The following GNG2 variants were observed in gnomAD, a reference collection of about 807,000 sequenced individuals.
GNG2 encodes the protein G protein subunit gamma 2, also known as guanine nucleotide-binding protein G(I)/G(S)/G(O) subunit gamma-2.
GNG2 carries 5 observed loss-of-function variants against 5.5 expected under a neutral mutation model. The ratio of observed to expected loss-of-function variants is 0.91; its 90% confidence interval spans 0.48 to 1.92. The LOEUF is 1.92. Ranked by LOEUF, GNG2 falls within the 30% of genes most tolerant of loss-of-function variation. The pLI, the probability that GNG2 is intolerant of heterozygous loss-of-function variation, is 0.01. For missense variants in GNG2, 55 were observed against 88.4 expected (o/e 0.62, Z 1.52); for synonymous variants, 28 against 32.0 (o/e 0.88, Z 0.42).
chr14:51,927,221 G>A (rs781330787), intron 2 of GNG2, among the ~76,000 whole-genome samples: 1 of 6,620 alleles, frequency 1.5e-4, no homozygotes, highest in Non-Finnish European at 3.8e-4. Context: ...CTTCAATTAA[G>A]ACTCATTGGG....
chr14:51,855,406 T>C (rs1329688390), intron 2 of GNG2, among the ~76,000 whole-genome samples: 2 of 152,214 alleles, frequency 1.3e-5, no homozygotes, highest in Non-Finnish European at 2.9e-5. Flanking sequence ...TGATTCAGTC[T>C]TCTTGGCTCC....
chr14:51,920,553 T>C (rs1886959665), intron 2 of GNG2, among the ~76,000 whole-genome samples: 1 of 152,152 alleles, frequency 6.6e-6, no homozygotes, highest in African/African-American at 2.4e-5. Context: ...CAAATTATGA[T>C]ACAGAAGTAC....
At position 51,905,737 on chromosome 14, in the gene GNG2, C is replaced by T. The variant is rs143663680; in HGVS notation, c.-30+28080C>T. Among the ~76,000 whole-genome samples, 654 of 152,218 alleles carry T rather than the reference C, an allele frequency of 4.3e-3. 4 individuals are homozygous for T. Among genetic ancestry groups the T allele is most frequent in the African/African-American group, 0.015 (613 of 41,540 alleles). On this transcript the variant is annotated intron_variant, in intron 2 of 3. Transcript: ENST00000556766. ...AATCCCCACGTGTTGTGGGAGGGAC[C>T]AGGTGGAAATAATTGAATCATCGGG...
At chr14:51,896,418 T>C (rs1265242589) in intron 2 of GNG2, among the ~76,000 whole-genome samples, 2 of 152,216 alleles carry the variant, frequency 1.3e-5, no homozygotes, top group Non-Finnish European at 2.9e-5. Context: ...AGAGTCAGAA[T>C]TGAATAGGTG....
At chr14:51,833,102 A>T (rs181229821) in intron 2 of GNG2, among the ~76,000 whole-genome samples, 1 of 152,248 alleles carries the variant, frequency 6.6e-6, no homozygotes, top group Admixed American at 6.5e-5. Context: ...AGCTTATACA[A>T]TTTGTCAGGG....
At chr14:51,948,116 CA>C (rs1888746438) in intron 2 of GNG2, among the ~76,000 whole-genome samples, 1 of 152,224 alleles carries the variant, frequency 6.6e-6, no homozygotes, top group Admixed American at 6.5e-5. Flanking sequence ...CTCTTCCCTT[CA>C]AGAACATTTC....
chr14:51,887,112 G>T (rs529777317), intron 2 of GNG2, among the ~76,000 whole-genome samples: 1 of 152,200 alleles, frequency 6.6e-6, no homozygotes, highest in South Asian at 2.1e-4. Flanking sequence ...GAGTTCAGTT[G>T]TTTGTGTGGT....
chr14:51,961,188 A>G (rs1889592688), intron 3 of GNG2, among the ~76,000 whole-genome samples: 1 of 152,192 alleles, frequency 6.6e-6, no homozygotes. Context: ...TATTCTGCCC[A>G]GTTTTTAATT....
chr14:51,833,260 A>G (rs1385998874), intron 2 of GNG2, among the ~76,000 whole-genome samples: 1 of 152,160 alleles, frequency 6.6e-6, no homozygotes, highest in East Asian at 1.9e-4. Flanking sequence ...CTTCATAGCA[A>G]TTTTCACACC....
chr14:51,924,158 C>T lies in GNG2; in HGVS notation c.-29-26492C>T, dbSNP rs1887180162. 2.6e-5 allele frequency among the ~76,000 whole-genome samples: 4 copies of T among 152,218 alleles called. No homozygotes were observed. The South Asian group carries it at 6.2e-4, about 24-fold the overall frequency. On this transcript the variant is annotated intron_variant, in intron 2 of 3. Coordinates refer to ENST00000556766, the MANE Select transcript of GNG2 (RefSeq NM_053064.5). ...CAGCTTTGGGTTCCTAACTGAGGTC[C>T]CTTAACAGTTTTGTAGACTAGAGCA... is the stretch of plus-strand genomic sequence containing the variant.
intron 2 of GNG2, among the ~76,000 whole-genome samples, chr14:51,840,701 A>T (rs1383932062): frequency 6.6e-6 from 1 of 152,260 alleles, no homozygotes; most frequent in Non-Finnish European, 1.5e-5. Flanking sequence ...TACTTCTGTC[A>T]ATCTGCCCAT....
intron 2 of GNG2, among the ~76,000 whole-genome samples, chr14:51,835,215 C>G (rs10220427): frequency 0.5 from 75,794 of 152,080 alleles, 19,502 homozygotes; most frequent in Middle Eastern, 0.57. Context: ...AAGCAAGAAG[C>G]AGCAGTGAAC....
intron 2 of GNG2, among the ~76,000 whole-genome samples, chr14:51,917,866 A>G (rs1227255045): frequency 2.0e-5 from 3 of 152,096 alleles, no homozygotes; most frequent in Non-Finnish European, 4.4e-5. Flanking sequence ...TCTCTACTAA[A>G]AACACAAAAA....
At chr14:51,922,455 G>A (rs1887071764) in intron 2 of GNG2, among the ~76,000 whole-genome samples, 1 of 152,068 alleles carries the variant, frequency 6.6e-6, no homozygotes, top group South Asian at 2.1e-4. Flanking sequence ...GTGGTAGTTG[G>A]CGAGGGGGAA....
chr14:51,829,457 C>T (rs1041284120), intron 2 of GNG2, among the ~76,000 whole-genome samples: 5 of 152,148 alleles, frequency 3.3e-5, no homozygotes, highest in Non-Finnish European at 7.3e-5. Context: ...TCTTACTTGT[C>T]TTTCTTTTGC....
At chr14:51,963,807 G>A (rs1889749093) in intron 3 of GNG2, among the ~76,000 whole-genome samples, 1 of 152,132 alleles carries the variant, frequency 6.6e-6, no homozygotes, top group Admixed American at 6.5e-5. Context: ...CTTACCTCAG[G>A]ATTACTGTGA....
At chr14:51,914,014 G>A (rs987141186) in intron 2 of GNG2, 3 of 508,048 alleles carry the variant, frequency 5.9e-6, no homozygotes, top group African/African-American at 5.8e-5. Flanking sequence ...CTGTAGGTAA[G>A]AATTTCCATG....
At chr14:51,961,257 A>G (rs1889598089) in intron 3 of GNG2, among the ~76,000 whole-genome samples, 1 of 152,198 alleles carries the variant, frequency 6.6e-6, no homozygotes. Context: ...TTGGAAGTAT[A>G]GAATGCTGTA....
At chr14:51,849,520 C>A (rs983444669) in intron 2 of GNG2, among the ~76,000 whole-genome samples, 3 of 152,118 alleles carry the variant, frequency 2.0e-5, no homozygotes, top group African/African-American at 7.2e-5. Context: ...GAGGAGATGG[C>A]GATCAGAGAA....
Sources: allele counts gnomAD v4.1 joint callset (sites outside exome capture counted in the v4.1 genomes callset), GRCh38; gene constraint gnomAD v4.1.1; transcripts MANE v1.5; gene names NCBI Gene and HGNC (gene_info 2026-07-23, HGNC 2026-07-21).